IDH3B: variants seen among roughly 807,000 people sequenced by gnomAD.
The protein encoded by IDH3B is isocitrate dehydrogenase [NAD] subunit beta, mitochondrial.
IDH3B carries 40 observed loss-of-function variants against 47.5 expected under a neutral mutation model. That is an observed-to-expected ratio of 0.84 (90% confidence interval 0.65 to 1.10). The LOEUF is 1.10. Among genes scored for constraint, IDH3B ranks in the 50% least tolerant of loss-of-function variants. IDH3B has a pLI of 0.00. For synonymous variants in IDH3B, 185 were observed against 191.0 expected, an observed-to-expected ratio of 0.97 and a Z score of 0.26; for missense variants, 450 against 505.2, an observed-to-expected ratio of 0.89 and a Z score of 1.05.
At chr20:2,662,729 C>A (rs569816408) in intron 4 of IDH3B, among the ~76,000 whole-genome samples, 2 of 151,978 alleles carry the variant, frequency 1.3e-5, no homozygotes, top group South Asian at 4.2e-4. Flanking sequence ...CCAAGGCGGG[C>A]AGATCACAAG....
At chr20:2,661,749 G>C (rs1383845590) in intron 4 of IDH3B, among the ~76,000 whole-genome samples, 1 of 152,136 alleles carries the variant, frequency 6.6e-6, no homozygotes, top group African/African-American at 2.4e-5. Flanking sequence ...TGAAAGACAT[G>C]ATAAGTACCA....
chr20:2,658,904 A>T, intron 11 of IDH3B, 67 bp from the exon 12 acceptor site: 1 of 1,605,944 alleles, frequency 6.2e-7, no homozygotes, highest in Non-Finnish European at 8.5e-7. Context: ...AGGTAGGGCA[A>T]TGTGATTGAG....
rs202127751 is a variant in IDH3B at position 2,659,803 on chromosome 20, G to A, written c.916-10C>T. The A allele has an allele frequency of 1.6e-4, 254 of 1,604,986 alleles. 1 individual carries two copies. Among genetic ancestry groups the A allele is most frequent in the Admixed American group, 5.2e-4 (31 of 59,986 alleles). On this transcript the variant is annotated splice_polypyrimidine_tract_variant and intron_variant, in intron 9 of 11. Coordinates refer to ENST00000380843, the MANE Select transcript of IDH3B (RefSeq NM_006899.5). ...ATGGGTGCCGGGCACCCTGTGGAGAGAGGGGCAGGCTAGACACTGGGAGGA... is the reference window on the plus strand; with the variant it reads ...ATGGGTGCCGGGCACCCTGTGGAGAAAGGGGCAGGCTAGACACTGGGAGGA...
chr20:2,659,700 T>TGG lies in IDH3B; in HGVS notation c.1008_1009insCC (p.Asn337ProfsTer9). On this transcript the variant is annotated frameshift_variant and splice_region_variant, in exon 10 of 12. Coordinates refer to ENST00000380843, the MANE Select transcript of IDH3B (RefSeq NM_006899.5). LOFTEE classifies it high-confidence loss of function. ...TGCCGACAGCCTCCCATGACCTACT[T>TGG]AAGATGCCGCAGCATGTTGGAAGCC... The TGG allele has an allele frequency of 6.2e-7, 1 of 1,613,816 alleles. No homozygotes were observed. The highest frequency in any genetic ancestry group is 8.5e-7 in the Non-Finnish European group (1 of 1,179,782).
Position 2,663,645 on chromosome 20 carries a change from C to T in IDH3B, c.216+15G>A, listed in dbSNP as rs780103581. 13 of 1,614,074 alleles carry T rather than the reference C, an allele frequency of 8.1e-6. No individual in the cohort carries two copies. Among genetic ancestry groups the T allele is most frequent in the African/African-American group, 1.3e-5 (1 of 74,924 alleles). On this transcript the variant is annotated intron_variant, in intron 3 of 11. Transcript: ENST00000380843. Reference sequence around the variant, plus strand: ...CACTACTGTCCTCTACTGTCTGATCCCCGAGGCCACTCACCTTGAACACCT... The same window carrying T: ...CACTACTGTCCTCTACTGTCTGATCTCCGAGGCCACTCACCTTGAACACCT...
chr20:2,658,433 G>A lies in IDH3B; in HGVS notation c.*318C>T. On this transcript the variant is annotated 3_prime_UTR_variant, in exon 12 of 12. Coordinates refer to ENST00000380843, the MANE Select transcript of IDH3B (RefSeq NM_006899.5). ...TTTATTGAACACCTTACATGGGTAT[G>A]GACAGGGCCTATGGGTGGGGCAAGG... 1.2e-6 allele frequency: 2 copies of A among 1,614,036 alleles called. No individual in the cohort carries two copies. Among genetic ancestry groups the A allele is most frequent in the African/African-American group, 1.3e-5 (1 of 75,038 alleles).
At chr20:2,659,055 G>T in intron 11 of IDH3B, 1 of 1,084,948 alleles carries the variant, frequency 9.2e-7, no homozygotes. Context: ...CAGGACAGGA[G>T]GCTGAGCAGG....
chr20:2,663,635 C>G (rs756928303), intron 3 of IDH3B, 25 bp downstream of exon 3: 12 of 1,614,188 alleles, frequency 7.4e-6, no homozygotes, highest in Non-Finnish European at 1.0e-5. Flanking sequence ...CTGTCCTCTA[C>G]TGTCTGATCC....
rs761333753 is a variant in IDH3B, at chr20:2,658,542, T to C, written c.*209A>G. 6.2e-7 allele frequency: 1 copy of C among 1,613,746 alleles called. No individual in the cohort carries two copies. On this transcript the variant is annotated 3_prime_UTR_variant, in exon 12 of 12. Coordinates refer to ENST00000380843, the MANE Select transcript of IDH3B (RefSeq NM_006899.5). Reference sequence around the variant, plus strand: ...TCGAACCTGTGGGGGAGAATCATCATCATCCATGTGGCCTGGGCTCCATCC... The same window carrying C: ...TCGAACCTGTGGGGGAGAATCATCACCATCCATGTGGCCTGGGCTCCATCC...
rs2086872506 is a variant in IDH3B, at chr20:2,658,793, G to C, written c.1116C>G (p.Phe372Leu). 6.2e-7 allele frequency: 1 copy of C among 1,614,210 alleles called. No homozygotes were observed. The highest frequency in any genetic ancestry group is 8.5e-7 in the Non-Finnish European group (1 of 1,180,036). ...DMGGYSTTTD[F>L]IKSVIGHLQT... The stretch of plus-strand genomic sequence containing the variant: ...GCAGGTGACCGATGACAGACTTGAT[G>C]AAGTCGGTTGTGGTGCTGTAGCCGC... The change falls in exon 12 of 12, where the codon TTC (phenylalanine) becomes TTG (leucine). Residue 372 changes from phenylalanine to leucine, a missense_variant. Physicochemically the swap from Phe to Leu is conservative, Grantham distance 22. Transcript: ENST00000380843.
intron 11 of IDH3B, 85 bp downstream of exon 11, chr20:2,659,440 T>C: frequency 6.5e-7 from 1 of 1,529,834 alleles, no homozygotes; most frequent in Non-Finnish European, 9.1e-7. Flanking sequence ...GAGACCCCCA[T>C]TCAGGTTCCC....
chr20:2,659,347 C>G (rs1383544734), intron 11 of IDH3B, 178 bp downstream of exon 11: 1 of 1,570,498 alleles, frequency 6.4e-7, no homozygotes, highest in Non-Finnish European at 8.6e-7. Context: ...GATGAAACAG[C>G]CAAGAGAAGG....
In IDH3B at chr20:2,663,968, C is replaced by T. The variant is rs113021673; in HGVS notation, c.74G>A (p.Gly25Asp). The T allele has an allele frequency of 4.9e-4, 791 of 1,614,170 alleles. 8 individuals carry two copies. In the African/African-American group the frequency reaches 8.3e-3, roughly 17 times the overall value. The part of the protein sequence containing the change: ...VSAGNPGAWR[G>D]LSTSAAAHAA... The stretch of plus-strand genomic sequence containing the variant: ...GTGCGCCGCGGCCGAGGTACTCAGA[C>T]CTCTCCATGCCCCAGGGTTCCCGGC... Residue 25 changes from glycine to aspartate, a missense_variant, in exon 2 of 12, where the codon GGT (glycine) becomes GAT (aspartate). Physicochemically the swap from Gly to Asp is moderately conservative, Grantham distance 94. Coordinates refer to ENST00000380843, the MANE Select transcript of IDH3B (RefSeq NM_006899.5).
In IDH3B at chr20:2,663,445, C is replaced by T. The variant is rs760911554; in HGVS notation, c.337+1G>A. On this transcript the variant is annotated splice_donor_variant, in intron 4 of 11. Transcript: ENST00000380843. LOFTEE classifies it high-confidence loss of function. The stretch of plus-strand genomic sequence containing the variant: ...GACAAGTGGCAAGAGGGCACACATA[C>T]CAATGATGGCCACTTTGTTCTCCTT... The T allele has an allele frequency of 6.2e-7, 1 of 1,614,174 alleles. No individual in the cohort carries two copies. Among genetic ancestry groups the T allele is most frequent in the South Asian group, 1.1e-5 (1 of 91,084 alleles).
Position 2,658,599 on chromosome 20 carries a change from C to G in IDH3B, c.*152G>C. The G allele has an allele frequency of 2.5e-6, 4 of 1,612,564 alleles. No individual in the cohort carries two copies. Among genetic ancestry groups the G allele is most frequent in the Non-Finnish European group, 3.4e-6 (4 of 1,179,280 alleles). ...TCCCCATCACCACCCAACAGTCTGT[C>G]CCCTAAGGAAGCCGGCCCAAGGACA... On this transcript the variant is annotated 3_prime_UTR_variant, in exon 12 of 12. Transcript: ENST00000380843.
chr20:2,661,005 C>T (rs1007337679), intron 4 of IDH3B, 36 bp from the exon 5 acceptor site: 1 of 1,597,502 alleles, frequency 6.3e-7, no homozygotes, highest in Non-Finnish European at 8.6e-7. Flanking sequence ...GTGTCAGCCA[C>T]AGGCCAAGCC....
In IDH3B at chr20:2,664,157, G is replaced by A. The variant is rs2087005954; in HGVS notation, c.32C>T (p.Thr11Ile). Reference sequence around the variant, plus strand: ...CGACATGTCCCGGGGCCTCACTCGGGTCAGCCAGCGGACTCCGCTCAATGC... The same window carrying A: ...CGACATGTCCCGGGGCCTCACTCGGATCAGCCAGCGGACTCCGCTCAATGC... MAALSGVRWLTRALVSAGNPG... is the reference protein window; with the variant it reads MAALSGVRWLIRALVSAGNPG... Residue 11 changes from threonine (T) to isoleucine (I), a missense_variant, in exon 1 of 12, where the codon ACC becomes ATC. By Grantham distance (89) the Thr-to-Ile change is moderately conservative (BLOSUM62 -1). Transcript: ENST00000380843. The A allele has an allele frequency of 1.2e-6, 2 of 1,613,426 alleles. No individual in the cohort carries two copies. The highest frequency in any genetic ancestry group is 1.7e-5 in the Admixed American group (1 of 59,944).
At chr20:2,661,773 T>A (rs2086952362) in intron 4 of IDH3B, among the ~76,000 whole-genome samples, 1 of 152,150 alleles carries the variant, frequency 6.6e-6, no homozygotes, top group Admixed American at 6.5e-5. Flanking sequence ...GAAACTTGCA[T>A]AGCAACACAA....
At chr20:2,659,058 T>C (rs1600165786) in intron 11 of IDH3B, 4 of 1,095,502 alleles carry the variant, frequency 3.7e-6, no homozygotes, top group Non-Finnish European at 4.7e-6. Flanking sequence ...GACAGGAGGC[T>C]GAGCAGGCAA....
Sources: gnomAD v4.1 joint callset for allele counts (sites outside exome capture counted in the v4.1 genomes callset) on GRCh38, gnomAD v4.1.1 for gene constraint, MANE v1.5 for transcripts, NCBI Gene and HGNC (gene_info 2026-07-23, HGNC 2026-07-21) for gene names.